Variants in GLI2 observed in about 807,000 individuals in gnomAD.
The protein encoded by GLI2 is transcription activator GLI2.
In GLI2, 22 loss-of-function variants were observed where a neutral mutation model predicts 78.9. That is an observed-to-expected ratio of 0.28 (90% CI 0.20 to 0.40). GLI2 has a LOEUF of 0.40. Ranked by LOEUF, GLI2 falls within the 10% of genes least tolerant of loss-of-function variation. The pLI is 1.00. For synonymous variants in GLI2, 974 were observed against 963.7 expected (o/e 1.01, Z -0.20); for missense variants, 2,097 against 2,213.2 (o/e 0.95, Z 1.05).
chr2:120,805,121 G>A (rs1424686810), intron 2 of GLI2, among the ~76,000 whole-genome samples: 1 of 152,244 alleles, frequency 6.6e-6, no homozygotes, highest in Non-Finnish European at 1.5e-5. Context: ...CCTCTGGCCT[G>A]TCCTGGCCTC....
intron 1 of GLI2, among the ~76,000 whole-genome samples, chr2:120,788,886 G>A (rs1482843028): frequency 1.3e-5 from 2 of 152,098 alleles, no homozygotes; most frequent in East Asian, 3.9e-4. Flanking sequence ...GGCACAGGCT[G>A]GCCAGGCTGT....
intron 2 of GLI2, among the ~76,000 whole-genome samples, chr2:120,831,581 T>C (rs1686362102): frequency 6.6e-6 from 1 of 152,126 alleles, no homozygotes; most frequent in African/African-American, 2.4e-5. Context: ...GTCAGTAAAA[T>C]AGTAGATTCC....
At chr2:120,926,990 C>G (rs1679709650) in intron 2 of GLI2, among the ~76,000 whole-genome samples, 1 of 152,266 alleles carries the variant, frequency 6.6e-6, no homozygotes, top group African/African-American at 2.4e-5. Context: ...GCTGGAGCCA[C>G]ACGCAGCCAG....
At chr2:120,859,614 C>A (rs1434001728) in intron 2 of GLI2, among the ~76,000 whole-genome samples, 4 of 151,992 alleles carry the variant, frequency 2.6e-5, no homozygotes, top group Non-Finnish European at 4.4e-5. Flanking sequence ...ACCACCGTAC[C>A]CAGCTAATTT....
At position 120,936,773 on chromosome 2, in the gene GLI2, G is replaced by A. The variant is rs548547069; in HGVS notation, c.254+9307G>A. Among the ~76,000 whole-genome samples the A allele has an allele frequency of 2.6e-5, 4 of 152,162 alleles. No homozygotes were observed. The East Asian group carries it at 7.7e-4, about 29-fold the overall frequency. The stretch of plus-strand genomic sequence containing the variant: ...GACTGTCCACTCGGTGGAAGCTGAC[G>A]CCACTGCCAGATGCATTCATTTATT... On this transcript the variant is annotated intron_variant, in intron 3 of 13. Coordinates refer to ENST00000361492, the MANE Select transcript of GLI2 (RefSeq NM_001374353.1).
At chr2:120,987,828 G>A (rs1417035173) in intron 13 of GLI2, among the ~76,000 whole-genome samples, 2 of 152,196 alleles carry the variant, frequency 1.3e-5, no homozygotes, top group Non-Finnish European at 2.9e-5. Flanking sequence ...ACAGATAATG[G>A]TAAAGTGAAG....
chr2:120,749,264 C>T (rs1405108021), intron 1 of GLI2, among the ~76,000 whole-genome samples: 4 of 152,306 alleles, frequency 2.6e-5, no homozygotes, highest in Middle Eastern at 3.4e-3. Context: ...TCTTTGACAT[C>T]TCTCTTAAAA....
In GLI2 at chr2:120,817,366, T is replaced by G. The variant is rs149302653; in HGVS notation, c.148+19898T>G. 8.5e-3 allele frequency among the ~76,000 whole-genome samples: 1,295 copies of G among 152,300 alleles called. 17 individuals carry two copies. The highest frequency in any genetic ancestry group is 0.029 in the African/African-American group (1,191 of 41,566). On this transcript the variant is annotated intron_variant, in intron 2 of 13. Transcript: ENST00000361492. ...GCTTGTGCCCTGAAGGAGCAGGCCA[T>G]GCTCACTGCCCACCTGTCACCCCTT...
intron 1 of GLI2, among the ~76,000 whole-genome samples, chr2:120,767,078 C>T (rs1197038581): frequency 6.6e-6 from 1 of 152,184 alleles, no homozygotes; most frequent in Non-Finnish European, 1.5e-5. Flanking sequence ...GCGAAATTGC[C>T]GGGAAGGCCC....
rs566000011 is a variant in GLI2, at chr2:120,847,463, C to T, written c.148+49995C>T. Reference sequence around the variant, plus strand: ...GGGAGAGACCACTGCACCCAGGGACCCCCTGCCTTCCACGTCTCTTGAAGA... The same window carrying T: ...GGGAGAGACCACTGCACCCAGGGACTCCCTGCCTTCCACGTCTCTTGAAGA... On this transcript the variant is annotated intron_variant, in intron 2 of 13. Transcript: ENST00000361492. 2.0e-5 allele frequency among the ~76,000 whole-genome samples: 3 copies of T among 152,178 alleles called. No individual in the cohort carries two copies. In the East Asian group the frequency reaches 5.8e-4, roughly 29 times the overall value.
At chr2:120,812,513 C>G (rs1809024) in intron 2 of GLI2, among the ~76,000 whole-genome samples, 150,814 of 152,270 alleles carry the variant, frequency 0.99, 74,693 homozygotes, top group Middle Eastern at 1. Context: ...CAGGGGTTTT[C>G]GAAGGACTGA....
At chr2:120,766,540 C>T (rs1683372668) in intron 1 of GLI2, among the ~76,000 whole-genome samples, 2 of 152,156 alleles carry the variant, frequency 1.3e-5, no homozygotes, top group Admixed American at 1.3e-4. Flanking sequence ...GAAAGAAAGG[C>T]CCTCCCCTGA....
At chr2:120,844,539 T>G (rs1687025860) in intron 2 of GLI2, among the ~76,000 whole-genome samples, 1 of 152,202 alleles carries the variant, frequency 6.6e-6, no homozygotes, top group Non-Finnish European at 1.5e-5. Flanking sequence ...GCAGCCTTTG[T>G]TGCTCTGAAC....
rs762992052 is a variant in GLI2 at position 120,984,586 on chromosome 2, G to A, written c.1748G>A (p.Arg583His). Reference protein sequence around the residue: ...GPDAHVTKKQRNDVHLRTPLL... With the variant: ...GPDAHVTKKQHNDVHLRTPLL... ...GATGCCCACGTCACCAAGAAGCAGC[G>A]CAATGACGTGCACCTCCGCACACCG... The change falls in exon 12 of 14, where the codon CGC becomes CAC. Residue 583 changes from arginine (R) to histidine (H), a missense_variant. Coordinates refer to ENST00000361492, the MANE Select transcript of GLI2 (RefSeq NM_001374353.1). The A allele has an allele frequency of 3.7e-6, 6 of 1,614,210 alleles. No individual in the cohort carries two copies. The highest frequency in any genetic ancestry group is 2.2e-5 in the South Asian group (2 of 91,082).
intron 12 of GLI2, among the ~76,000 whole-genome samples, chr2:120,984,953 T>C (rs1050557024): frequency 6.6e-6 from 1 of 152,196 alleles, no homozygotes; most frequent in Non-Finnish European, 1.5e-5. Flanking sequence ...CTGACCAGGC[T>C]CCTGCTGGGT....
At chr2:120,903,451 C>G (rs1039292826) in intron 2 of GLI2, among the ~76,000 whole-genome samples, 3 of 152,176 alleles carry the variant, frequency 2.0e-5, no homozygotes, top group African/African-American at 7.2e-5. Context: ...CCCTGAGAGC[C>G]CCCAGGCAGG....
intron 2 of GLI2, among the ~76,000 whole-genome samples, chr2:120,907,296 G>A (rs1424484982): frequency 6.6e-6 from 1 of 152,130 alleles, no homozygotes; most frequent in Non-Finnish European, 1.5e-5. Flanking sequence ...ACCTGGCCCA[G>A]CACTTTTTCC....
chr2:120,854,537 T>C (rs910014843), intron 2 of GLI2, among the ~76,000 whole-genome samples: 18 of 152,168 alleles, frequency 1.2e-4, no homozygotes, highest in African/African-American at 4.3e-4. Flanking sequence ...CAGAAGAACC[T>C]TTGGAACCCT....
At chr2:120,863,868 G>A (rs1032546629) in intron 2 of GLI2, among the ~76,000 whole-genome samples, 4 of 152,166 alleles carry the variant, frequency 2.6e-5, no homozygotes, top group Admixed American at 2.6e-4. Context: ...TTGCTTGGAG[G>A]AGGAGTTGAT....
Sources: allele counts gnomAD v4.1 joint callset (sites outside exome capture counted in the v4.1 genomes callset), GRCh38; gene constraint gnomAD v4.1.1; transcripts MANE v1.5; gene names NCBI Gene and HGNC (gene_info 2026-07-23, HGNC 2026-07-21).